GABRB1: variants seen among roughly 807,000 people sequenced by gnomAD.
GABRB1 encodes gamma-aminobutyric acid type A receptor subunit beta1, also known as gamma-aminobutyric acid receptor subunit beta-1.
A neutral mutation model predicts 51.6 loss-of-function variants in GABRB1; 17 were observed. The observed-to-expected ratio is 0.33, with a 90% CI of 0.23 to 0.49. GABRB1 has a LOEUF of 0.49. GABRB1 is among the 20% of genes least tolerant of loss of function. GABRB1 has a pLI of 0.99. For synonymous variants in GABRB1, 247 were observed against 218.9 expected (o/e 1.13, Z -1.14); for missense variants, 410 against 600.6 (o/e 0.68, Z 3.32).
chr4:47,357,464 C>T (rs6855913), intron 5 of GABRB1, among the ~76,000 whole-genome samples: 62,519 of 152,074 alleles, frequency 0.41, 13,404 homozygotes, highest in Middle Eastern at 0.47. Context: ...AGGCAGAGCC[C>T]ATCTCCCATC....
chr4:47,348,710 A>G (rs1392669840), intron 5 of GABRB1, among the ~76,000 whole-genome samples: 1 of 152,204 alleles, frequency 6.6e-6, no homozygotes, highest in Non-Finnish European at 1.5e-5. Context: ...GGAGCATTGA[A>G]GATTTTGAAC....
chr4:47,069,467 G>C (rs1227816956), intron 3 of GABRB1, among the ~76,000 whole-genome samples: 1 of 152,086 alleles, frequency 6.6e-6, no homozygotes, highest in African/African-American at 2.4e-5. Context: ...CTAATTTTCT[G>C]TTACATCACT....
At chr4:47,328,260 G>C (rs1725329058) in intron 5 of GABRB1, among the ~76,000 whole-genome samples, 2 of 152,050 alleles carry the variant, frequency 1.3e-5, no homozygotes, top group South Asian at 4.1e-4. Context: ...CATTCTGTAG[G>C]TTGCCTGTTC....
At chr4:47,410,205 G>A (rs1560374335) in intron 8 of GABRB1, among the ~76,000 whole-genome samples, 1 of 152,066 alleles carries the variant, frequency 6.6e-6, no homozygotes. Context: ...GTTAGACTAC[G>A]AACTCCACAA....
At chr4:47,078,971 C>T (rs983589854) in intron 3 of GABRB1, among the ~76,000 whole-genome samples, 1 of 152,154 alleles carries the variant, frequency 6.6e-6, no homozygotes, top group Non-Finnish European at 1.5e-5. Flanking sequence ...CCCACTTGAT[C>T]ATGGTGGATA....
intron 4 of GABRB1, among the ~76,000 whole-genome samples, chr4:47,291,649 A>C (rs948837312): frequency 1.3e-5 from 2 of 152,186 alleles, no homozygotes; most frequent in African/African-American, 4.8e-5. Flanking sequence ...ATGGGAAGCT[A>C]CCTCTTTCAT....
At chr4:47,178,810 G>A (rs971890492) in intron 4 of GABRB1, among the ~76,000 whole-genome samples, 34 of 152,120 alleles carry the variant, frequency 2.2e-4, no homozygotes, top group African/African-American at 6.7e-4. Flanking sequence ...AATTAGGAAC[G>A]ATGGTTGAAT....
chr4:47,371,867 A>C (rs935336472), intron 5 of GABRB1, among the ~76,000 whole-genome samples: 1 of 151,736 alleles, frequency 6.6e-6, no homozygotes, highest in African/African-American at 2.4e-5. Context: ...GATGGCAAAA[A>C]TTTTCTCCCA....
At chr4:47,269,027 A>G (rs1212347861) in intron 4 of GABRB1, among the ~76,000 whole-genome samples, 1 of 152,130 alleles carries the variant, frequency 6.6e-6, no homozygotes, top group Non-Finnish European at 1.5e-5. Flanking sequence ...TTAATGTTGG[A>G]GTTGAAACAT....
intron 5 of GABRB1, among the ~76,000 whole-genome samples, chr4:47,353,382 C>T (rs1400253278): frequency 1.3e-5 from 2 of 152,086 alleles, no homozygotes; most frequent in South Asian, 2.1e-4. Flanking sequence ...TTGATGTTTC[C>T]CTTACAAATA....
chr4:47,000,993 A>G (rs182224496), intron 1 of GABRB1, among the ~76,000 whole-genome samples: 33 of 152,324 alleles, frequency 2.2e-4, no homozygotes, highest in African/African-American at 7.5e-4. Context: ...GCTGTTATAT[A>G]TATTTTTCAT....
intron 1 of GABRB1, among the ~76,000 whole-genome samples, chr4:47,007,211 A>G (rs1724432780): frequency 6.6e-6 from 1 of 152,180 alleles, no homozygotes; most frequent in Admixed American, 6.5e-5. Flanking sequence ...TTTAAGGTGA[A>G]GTACACATCA....
intron 5 of GABRB1, among the ~76,000 whole-genome samples, chr4:47,335,261 T>TTATATA (rs149691989): frequency 4.6e-5 from 7 of 151,162 alleles, no homozygotes; most frequent in African/African-American, 7.3e-5. Flanking sequence ...CAGTATCCAG[T>TTATATA]TATATATATA....
chr4:47,332,536 A>G (rs978219084), intron 5 of GABRB1, among the ~76,000 whole-genome samples: 1 of 152,156 alleles, frequency 6.6e-6, no homozygotes. Flanking sequence ...AAGTTACATT[A>G]TTCTTATCTT....
At chr4:47,192,884 A>G (rs1719499619) in intron 4 of GABRB1, among the ~76,000 whole-genome samples, 2 of 152,194 alleles carry the variant, frequency 1.3e-5, no homozygotes, top group Admixed American at 1.3e-4. Context: ...TAACAATAAT[A>G]TGTTTGTGAG....
intron 5 of GABRB1, among the ~76,000 whole-genome samples, chr4:47,379,332 A>C (rs1411134758): frequency 2.0e-5 from 3 of 152,182 alleles, no homozygotes; most frequent in Non-Finnish European, 4.4e-5. Flanking sequence ...AGTAGAAACC[A>C]TACTTTGAGT....
In GABRB1 at chr4:47,057,127, C is replaced by T. The variant is rs138397939; in HGVS notation, c.240+24643C>T. Among the ~76,000 whole-genome samples, 422 of 152,080 alleles carry T rather than the reference C, an allele frequency of 2.8e-3. 1 individual carries two copies. Among genetic ancestry groups the T allele is most frequent in the African/African-American group, 9.3e-3 (387 of 41,510 alleles). On this transcript the variant is annotated intron_variant, in intron 3 of 8. Coordinates refer to ENST00000295454, the MANE Select transcript of GABRB1 (RefSeq NM_000812.4). ...CTCAAAAAACAAACAAACAAACAAA[C>T]AAACCATAAGGCATGGTCTCAAATG...
chr4:47,241,793 T>G (rs184271580), intron 4 of GABRB1, among the ~76,000 whole-genome samples: 1 of 152,204 alleles, frequency 6.6e-6, no homozygotes, highest in Non-Finnish European at 1.5e-5. Context: ...ATTATAGGTC[T>G]GGTTCCTTAA....
At chr4:47,146,449 G>T (rs182083404) in intron 3 of GABRB1, among the ~76,000 whole-genome samples, 1 of 152,070 alleles carries the variant, frequency 6.6e-6, no homozygotes, top group African/African-American at 2.4e-5. Flanking sequence ...AATATGAAAT[G>T]ACATTATAAA....
Sources: allele counts gnomAD v4.1 joint callset (sites outside exome capture counted in the v4.1 genomes callset), GRCh38; gene constraint gnomAD v4.1.1; transcripts MANE v1.5; gene names NCBI Gene and HGNC (gene_info 2026-07-23, HGNC 2026-07-21).